Variants in APC observed in about 807,000 individuals in gnomAD.
APC encodes APC regulator of Wnt signaling pathway, also known as adenomatous polyposis coli protein.
A neutral mutation model predicts 247.0 loss-of-function variants in APC; 72 were observed. The ratio of observed to expected loss-of-function variants is 0.29; its 90% CI spans 0.24 to 0.35. The LOEUF (loss-of-function observed/expected upper bound fraction) is 0.35. Ranked by LOEUF, APC falls within the 10% of genes least tolerant of loss-of-function variation. The pLI is 1.00. For synonymous variants in APC, 1,254 were observed against 1,162.5 expected (o/e 1.08, Z -1.60); for missense variants, 3,400 against 3,360.7 (o/e 1.01, Z -0.29).
At chr5:112,819,875 A>G (rs1382534319) in intron 10 of APC, among the ~76,000 whole-genome samples, 1 of 152,170 alleles carries the variant, frequency 6.6e-6, no homozygotes, top group Non-Finnish European at 1.5e-5. Flanking sequence ...CAGAAGAGCT[A>G]AAGGACTTAA....
chr5:112,740,154 A>G (rs1253082996), intron 1 of APC, among the ~76,000 whole-genome samples: 1 of 152,238 alleles, frequency 6.6e-6, no homozygotes, highest in Non-Finnish European at 1.5e-5. Context: ...ATTTTTATCT[A>G]CAATATAAGA....
At chr5:112,802,185 T>C (rs1374141672) in intron 8 of APC, among the ~76,000 whole-genome samples, 1 of 152,132 alleles carries the variant, frequency 6.6e-6, no homozygotes, top group African/African-American at 2.4e-5. Flanking sequence ...TAGGTTACTT[T>C]TGATAGTATT....
At chr5:112,751,755 C>T (rs1220374105) in intron 1 of APC, among the ~76,000 whole-genome samples, 2 of 151,760 alleles carry the variant, frequency 1.3e-5, no homozygotes, top group Non-Finnish European at 2.9e-5. Flanking sequence ...TGTTCCCTTT[C>T]TAATTTTTTT....
chr5:112,818,428 A>G (rs183308836), intron 9 of APC, among the ~76,000 whole-genome samples: 201 of 145,680 alleles, frequency 1.4e-3, no homozygotes, highest in Non-Finnish European at 2.2e-3. Flanking sequence ...AAATGTTTTT[A>G]AATTTATAAT....
chr5:112,833,521 G>T (rs1000121955), intron 14 of APC, among the ~76,000 whole-genome samples: 3 of 152,008 alleles, frequency 2.0e-5, no homozygotes, highest in African/African-American at 7.3e-5. Context: ...ATTGGGTATT[G>T]CTGTGTTGCC....
intron 2 of APC, among the ~76,000 whole-genome samples, chr5:112,760,999 C>A (rs1051126508): frequency 6.6e-6 from 1 of 151,958 alleles, no homozygotes; most frequent in Non-Finnish European, 1.5e-5. Context: ...TTAGTAGAGA[C>A]GGGGTTTCAC....
rs377169217 is a variant in APC, at chr5:112,840,336, C to G, written c.4742C>G (p.Ser1581Cys). The change falls in exon 16 of 16, where the codon TCT (serine) becomes TGT (cysteine). Residue 1581 changes from serine (S) to cysteine (C), a missense_variant. Physicochemically the swap from Ser to Cys is moderately radical, Grantham distance 112 (BLOSUM62 -1). Around this residue, in one of 9 missense-constraint regions of APC, gnomAD observed 1,788 missense variants for 1,649.5 expected, o/e 1.08. Transcript: ENST00000257430. The surrounding 1 kb of genome is among the most constrained non-coding windows in gnomAD (Gnocchi z 4.1). ...GAAATACTAGAAGAATGTATTATTT[C>G]TGCCATGCCAACAAAGTCATCACGT... Reference protein sequence around the residue: ...DIEILEECIISAMPTKSSRKA... With the variant: ...DIEILEECIICAMPTKSSRKA... The G allele has an allele frequency of 1.9e-6, 3 of 1,614,090 alleles. No individual in the cohort carries two copies. The African/African-American group carries it at 4.0e-5, about 22-fold the overall frequency.
chr5:112,783,443 A>G (rs958801408), intron 6 of APC, among the ~76,000 whole-genome samples: 6 of 152,086 alleles, frequency 3.9e-5, no homozygotes, highest in African/African-American at 1.2e-4. Flanking sequence ...TGTTGGTAGA[A>G]TATATAAGAG....
rs1392812257 is a variant in APC, at chr5:112,836,165, T to C, written c.1958+1000T>C. On this transcript the variant is annotated intron_variant, in intron 15 of 15. Coordinates refer to ENST00000257430, the MANE Select transcript of APC (RefSeq NM_000038.6). ...CCTCCCGAGTAGCTGGGATTACAGGTCCCCCCCCCCCCCCGCCACCGTGCC... is the reference window on the plus strand; with the variant it reads ...CCTCCCGAGTAGCTGGGATTACAGGCCCCCCCCCCCCCCCGCCACCGTGCC... Among the ~76,000 whole-genome samples the C allele has an allele frequency of 4.5e-3, 109 of 24,478 alleles. 3 individuals are homozygous for C. Among genetic ancestry groups the C allele is most frequent in the African/African-American group, 0.01 (97 of 9,562 alleles). The allele number at this position is 24,478 out of a possible 152,430, so 16.1% of individuals were successfully genotyped here.
intron 6 of APC, among the ~76,000 whole-genome samples, chr5:112,786,378 C>G (rs551444555): frequency 1.3e-5 from 2 of 152,248 alleles, no homozygotes; most frequent in Admixed American, 1.3e-4. Context: ...TTGTGCCTAC[C>G]TATGTGAGAT....
Position 112,818,834 on chromosome 5 carries a change from G to T in APC, c.934-132G>T, listed in dbSNP as rs12521276. On this transcript the variant is annotated intron_variant, in intron 9 of 15. Coordinates refer to ENST00000257430, the MANE Select transcript of APC (RefSeq NM_000038.6). ...TCCTGGAAAGGTTTTCCGGTTTTTT[G>T]TTTTTTTTTTGGCGGGGGGGGTTGT... 79,153 of 299,236 alleles carry T rather than the reference G, an allele frequency of 0.26. 2,378 individuals are homozygous for T. The highest frequency in any genetic ancestry group is 0.5 in the East Asian group (7,291 of 14,724). 18.5% of individuals were successfully genotyped at this position (299,236 alleles called of 1,614,324 possible).
rs1409585499 is a variant in APC at position 112,843,939 on chromosome 5, C to G, written c.8345C>G (p.Thr2782Ser). The change falls in exon 16 of 16, where the codon ACT becomes AGT. Residue 2782 changes from threonine to serine, a missense_variant. Coordinates refer to ENST00000257430, the MANE Select transcript of APC (RefSeq NM_000038.6). The surrounding 1 kb of genome is among the most constrained non-coding windows in gnomAD (Gnocchi z 4.8). ...AGTGGGACTGTTGCTGCCAGAGTGA[C>G]TCCTTTTAATTACAACCCAAGCCCT... ...SPSGTVAARV[T>S]PFNYNPSPRK... The G allele has an allele frequency of 6.2e-7, 1 of 1,610,558 alleles. No individual in the cohort carries two copies. Among genetic ancestry groups the G allele is most frequent in the South Asian group, 1.1e-5 (1 of 90,650 alleles).
At chr5:112,767,456 ATATT>A (rs1580330147) in intron 4 of APC, 66 bp downstream of exon 4, 1 of 1,305,472 alleles carries the variant, frequency 7.7e-7, no homozygotes. Context: ...TTGTAATATA[ATATT>A]TAAATTGTGA....
rs864622103 is a variant in APC, at chr5:112,780,840, G to A, written c.582G>A (p.Arg194=). The change falls in exon 6 of 16, where the codon AGG becomes AGA. Residue 194 remains arginine, a synonymous_variant. Transcript: ENST00000257430. ...MTRRQLEYEA[R]QIRVAMEEQL... is the part of the protein sequence containing the mutation. ...GAAGGCAATTGGAATATGAAGCAAGGCAAATCAGAGTTGCGATGGAAGAAC... is the reference window on the plus strand; with the variant it reads ...GAAGGCAATTGGAATATGAAGCAAGACAAATCAGAGTTGCGATGGAAGAAC... 2.5e-6 allele frequency: 4 copies of A among 1,613,396 alleles called. No homozygotes were observed. The highest frequency in any genetic ancestry group is 3.4e-6 in the Non-Finnish European group (4 of 1,179,632).
At chr5:112,798,110 G>C (rs1464683950) in intron 7 of APC, among the ~76,000 whole-genome samples, 4 of 152,196 alleles carry the variant, frequency 2.6e-5, no homozygotes, top group Non-Finnish European at 1.5e-5. Context: ...TGTACACAAA[G>C]ACTTAGACTT....
chr5:112,749,117 T>C (rs1319296630), intron 1 of APC, among the ~76,000 whole-genome samples: 2 of 152,238 alleles, frequency 1.3e-5, no homozygotes, highest in East Asian at 1.9e-4. Context: ...AATGATCTTA[T>C]ATTGCACTCT....
upstream of APC, among the ~76,000 whole-genome samples, chr5:112,734,584 G>A (rs1475181992): frequency 6.6e-6 from 1 of 152,114 alleles, no homozygotes; most frequent in African/African-American, 2.4e-5. Flanking sequence ...TATGTCTAAG[G>A]TCTTCGGTAA....
chr5:112,803,403 TAGTC>T (rs1235718063), intron 8 of APC, among the ~76,000 whole-genome samples: 1 of 152,178 alleles, frequency 6.6e-6, no homozygotes, highest in Admixed American at 6.5e-5. Context: ...GTTAAATTAT[TAGTC>T]AGCTGTAGAT....
intron 1 of APC, among the ~76,000 whole-genome samples, chr5:112,712,224 A>G (rs976641017): frequency 6.7e-6 from 1 of 150,022 alleles, no homozygotes; most frequent in Non-Finnish European, 1.5e-5. Context: ...TATGATATAA[A>G]CCATCATTTC....
Sources: gnomAD v4.1 joint callset for allele counts (sites outside exome capture counted in the v4.1 genomes callset) on GRCh38, gnomAD v4.1.1 for gene constraint, gnomAD v4.1.1 regional missense constraint, Gnocchi (gnomAD v3.1) non-coding constraint, MANE v1.5 for transcripts, NCBI Gene and HGNC (gene_info 2026-07-23, HGNC 2026-07-21) for gene names.